ZCCHC4: variants seen among roughly 807,000 people sequenced by gnomAD.
The protein encoded by ZCCHC4 is zinc finger CCHC-type containing 4.
A neutral mutation model predicts 67.7 loss-of-function variants in ZCCHC4; 54 were observed. That is an observed-to-expected ratio of 0.80 (90% CI 0.64 to 1.00). The LOEUF is 1.00. ZCCHC4 is among the 50% of genes least tolerant of loss of function. ZCCHC4 has a pLI of 0.00. For missense variants in ZCCHC4, 609 were observed against 617.0 expected, an observed-to-expected ratio of 0.99 and a Z score of 0.14; for synonymous variants, 198 against 213.5, an observed-to-expected ratio of 0.93 and a Z score of 0.63.
At chr4:25,313,035 T>A in intron 1 of ZCCHC4, 99 bp downstream of exon 1, 1 of 1,516,104 alleles carries the variant, frequency 6.6e-7, no homozygotes, top group Non-Finnish European at 8.9e-7. Context: ...CCCGCCTCTT[T>A]CCCTCACCAG....
chr4:25,352,213 GGAGT>G (rs1202445786), intron 8 of ZCCHC4: 1 of 985,292 alleles, frequency 1.0e-6, no homozygotes, highest in East Asian at 1.1e-4. Context: ...GGAAGTTACT[GGAGT>G]GAGTAACTTC....
In ZCCHC4 at chr4:25,359,551, CAAAG is replaced by C. The variant is rs1208336056; in HGVS notation, c.1012-2305_1012-2302del. 6.6e-6 allele frequency among the ~76,000 whole-genome samples: 1 copy of C among 152,172 alleles called. No individual in the cohort carries two copies. Among genetic ancestry groups the C allele is most frequent in the African/African-American group, 2.4e-5 (1 of 41,440 alleles). On this transcript the variant is annotated intron_variant, in intron 8 of 12. Coordinates refer to ENST00000302874, the MANE Select transcript of ZCCHC4 (RefSeq NM_024936.3). This position sits in a 1 kb window ranked among gnomAD's most constrained non-coding sequence, Gnocchi z 4.9. ...TGGCGGGATCAAGGGGTCCGTGCCA[CAAAG>C]AAGGGAAAGATGCCCCACCTGCAGG...
At chr4:25,324,088 T>G (rs1401637506) in intron 3 of ZCCHC4, among the ~76,000 whole-genome samples, 1 of 138,586 alleles carries the variant, frequency 7.2e-6, no homozygotes, top group Non-Finnish European at 1.5e-5. Flanking sequence ...CTCAGTTCAC[T>G]GCAATCTCCA....
chr4:25,354,865 CT>C (rs1416664917), intron 8 of ZCCHC4, among the ~76,000 whole-genome samples: 3 of 148,642 alleles, frequency 2.0e-5, no homozygotes, highest in African/African-American at 7.4e-5. Context: ...TTTGAGTCCC[CT>C]CTCCTTCACA....
intron 1 of ZCCHC4, among the ~76,000 whole-genome samples, chr4:25,313,334 A>C (rs1718054845): frequency 6.6e-6 from 1 of 152,228 alleles, no homozygotes; most frequent in Non-Finnish European, 1.5e-5. Context: ...GTTTTTCTCT[A>C]ACTTACAGAA....
rs1009337189 is a variant in ZCCHC4 at position 25,312,877 on chromosome 4, C to A, written c.68C>A (p.Ser23Ter). The A allele has an allele frequency of 6.2e-7, 1 of 1,612,840 alleles. No homozygotes were observed. Among genetic ancestry groups the A allele is most frequent in the Admixed American group, 1.7e-5 (1 of 60,004 alleles). The change falls in exon 1 of 13, where the codon TCG (serine) becomes TAG (stop). Residue 23 changes from serine (S) to a stop codon, truncating the protein, a stop_gained. Transcript: ENST00000302874. LOFTEE classifies it high-confidence loss of function. ...AEGSAGCRGS[S>*]GMEVVLPLDP... is the part of the protein sequence containing the mutation. ...GGCAGCGCAGGGTGCCGGGGAAGCT[C>A]GGGAATGGAGGTGGTGCTTCCTTTG...
chr4:25,315,203 A>G (rs1718188791), intron 2 of ZCCHC4, 115 bp from the exon 3 acceptor site: 7 of 847,594 alleles, frequency 8.3e-6, no homozygotes, highest in Middle Eastern at 4.8e-4. Flanking sequence ...TCCTGAAATG[A>G]ATGCCTGTTG....
At chr4:25,368,778 C>T (rs183753410) in intron 12 of ZCCHC4, among the ~76,000 whole-genome samples, 7 of 152,106 alleles carry the variant, frequency 4.6e-5, no homozygotes, top group Admixed American at 6.5e-5. Context: ...GTGTTTGCCC[C>T]GGACAGCTTG....
chr4:25,327,028 A>G (rs551241777), intron 3 of ZCCHC4, among the ~76,000 whole-genome samples: 3 of 152,312 alleles, frequency 2.0e-5, no homozygotes, highest in Admixed American at 1.3e-4. Context: ...TTGATTTTAT[A>G]TATTGATCTT....
At chr4:25,363,790 C>A (rs1172197807) in intron 10 of ZCCHC4, among the ~76,000 whole-genome samples, 1 of 152,084 alleles carries the variant, frequency 6.6e-6, no homozygotes, top group African/African-American at 2.4e-5. Context: ...TAGAGATGCA[C>A]ACAAAGGTGG....
In ZCCHC4 at chr4:25,342,077, C is replaced by T. The variant is rs191594538; in HGVS notation, c.687-3471C>T. 3.0e-3 allele frequency among the ~76,000 whole-genome samples: 461 copies of T among 152,198 alleles called. 2 individuals are homozygous for T. Among genetic ancestry groups the T allele is most frequent in the Non-Finnish European group, 5.4e-3 (365 of 68,028 alleles). On this transcript the variant is annotated intron_variant, in intron 5 of 12. Transcript: ENST00000302874. ...TGATGGTGTTTTATTGGGGATATCA[C>T]AGTTCAGTTTTTTTGATAACGTAGT...
chr4:25,364,871 T>G (rs181798086), intron 11 of ZCCHC4, 151 bp from the exon 12 acceptor site: 26 of 1,047,100 alleles, frequency 2.5e-5, no homozygotes, highest in Non-Finnish European at 3.5e-5. Context: ...CAACCTCTTC[T>G]CCCTGGTCTC....
chr4:25,327,394 C>CTCCCTCCTTCCCTCCTTCCCTCCT (rs796441070), intron 3 of ZCCHC4, among the ~76,000 whole-genome samples: 3 of 139,658 alleles, frequency 2.1e-5, no homozygotes, highest in Non-Finnish European at 3.0e-5. Context: ...CCCTCCCTCC[C>CTCCCTCCTTCCCTCCTTCCCTCCT]TCCCTCCTTC....
intron 10 of ZCCHC4, among the ~76,000 whole-genome samples, chr4:25,363,179 C>T (rs1420953027): frequency 6.6e-6 from 1 of 152,222 alleles, no homozygotes; most frequent in Non-Finnish European, 1.5e-5. Flanking sequence ...ATTCATCCTT[C>T]TTCCTGAAGG....
chr4:25,362,302 G>A lies in ZCCHC4; in HGVS notation c.1209+1G>A, dbSNP rs1340154057. On this transcript the variant is annotated splice_donor_variant, in intron 10 of 12. Transcript: ENST00000302874. LOFTEE classifies it high-confidence loss of function. ...GCTCTGTAATTCTTGCACATCCAAG[G>A]TATGGTGTTCTTATAGAATGTATTT... 3.2e-6 allele frequency: 5 copies of A among 1,583,016 alleles called. No individual in the cohort carries two copies. The Admixed American group carries it at 6.9e-5, about 22-fold the overall frequency.
chr4:25,327,394 C>CTCCT (rs1560401295), intron 3 of ZCCHC4, among the ~76,000 whole-genome samples: 5 of 139,742 alleles, frequency 3.6e-5, no homozygotes, highest in Non-Finnish European at 7.6e-5. Context: ...CCCTCCCTCC[C>CTCCT]TCCCTCCTTC....
At chr4:25,316,165 T>G (rs1280686610) in intron 3 of ZCCHC4, among the ~76,000 whole-genome samples, 1 of 152,236 alleles carries the variant, frequency 6.6e-6, no homozygotes, top group African/African-American at 2.4e-5. Flanking sequence ...ACTGTATTCC[T>G]TTTTACAACT....
intron 1 of ZCCHC4, 30 bp downstream of exon 1, chr4:25,312,966 G>A (rs1388858953): frequency 3.1e-6 from 5 of 1,607,498 alleles, no homozygotes; most frequent in African/African-American, 1.3e-5. Context: ...CAGCCTAACT[G>A]CCGGGCGCTG....
At chr4:25,365,744 ACT>A in intron 12 of ZCCHC4, 1 of 985,518 alleles carries the variant, frequency 1.0e-6, no homozygotes, top group Non-Finnish European at 1.2e-6. Flanking sequence ...ATGGATTACA[ACT>A]CAGAGTATGG....
Sources: allele counts gnomAD v4.1 joint callset (sites outside exome capture counted in the v4.1 genomes callset), GRCh38; gene constraint gnomAD v4.1.1; non-coding constraint Gnocchi (gnomAD v3.1); transcripts MANE v1.5; gene names NCBI Gene and HGNC (gene_info 2026-07-23, HGNC 2026-07-21).